Variants in TCTN1 observed in about 807,000 individuals in gnomAD.
The protein encoded by TCTN1 is tectonic-1.
A neutral mutation model predicts 65.8 loss-of-function variants in TCTN1; 58 were observed. The observed-to-expected ratio is 0.88, with a 90% CI of 0.71 to 1.10. TCTN1 has a LOEUF of 1.10. Among genes scored for constraint, TCTN1 ranks in the 50% least tolerant of loss-of-function variants. The probability of loss-of-function intolerance (pLI) is 0.00; values close to 1 mark genes in which losing one functional copy is unlikely to be tolerated. For synonymous variants in TCTN1, 273 were observed against 289.1 expected (o/e 0.94, Z 0.57); for missense variants, 645 against 719.4 (o/e 0.90, Z 1.18).
Position 110,640,615 on chromosome 12 carries a change from A to C in TCTN1, c.978+98A>C. 1 of 1,574,278 alleles carries C rather than the reference A, an allele frequency of 6.4e-7. No homozygotes were observed. The highest frequency in any genetic ancestry group is 8.7e-7 in the Non-Finnish European group (1 of 1,147,132). On this transcript the variant is annotated intron_variant, in intron 8 of 14. Transcript: ENST00000397659. This position sits in a 1 kb window ranked among gnomAD's most constrained non-coding sequence, Gnocchi z 4.9. ...ACGCCCTCCGAGGACGCTCTGTCCC[A>C]GCCCATGGTGTGGCTTTTCTTGGCT...
At chr12:110,617,115 T>C (rs1320802846) in intron 1 of TCTN1, among the ~76,000 whole-genome samples, 1 of 152,188 alleles carries the variant, frequency 6.6e-6, no homozygotes, top group East Asian at 1.9e-4. Flanking sequence ...AAGATAGTAA[T>C]TTTAAACATA....
intron 3 of TCTN1, chr12:110,628,249 C>T (rs940428513): frequency 2.4e-5 from 37 of 1,534,818 alleles, no homozygotes; most frequent in Non-Finnish European, 3.1e-5. Flanking sequence ...CTATTACTTC[C>T]CCATTATTAG....
intron 1 of TCTN1, among the ~76,000 whole-genome samples, chr12:110,618,718 A>G (rs1223187470): frequency 6.6e-6 from 1 of 152,142 alleles, no homozygotes; most frequent in African/African-American, 2.4e-5. Context: ...TTGAAGGTTG[A>G]TCTTACTTCT....
chr12:110,636,898 A>C (rs1106724), intron 7 of TCTN1, among the ~76,000 whole-genome samples: 30,367 of 152,212 alleles, frequency 0.2, 3,322 homozygotes, highest in Admixed American at 0.28. Context: ...GGGTGTCCAT[A>C]CCGCGTGGGA....
chr12:110,634,809 C>T, intron 6 of TCTN1, 30 bp downstream of exon 6: 1 of 1,503,914 alleles, frequency 6.6e-7, no homozygotes, highest in Non-Finnish European at 9.2e-7. Context: ...GGAACTTACT[C>T]ATTAGGTATG....
chr12:110,647,646 G>A (rs768259646), intron 13 of TCTN1, 103 bp from the exon 14 acceptor site: 2 of 1,554,210 alleles, frequency 1.3e-6, no homozygotes, highest in Non-Finnish European at 1.8e-6. Context: ...TCAGATTCAT[G>A]AACTGACAGT....
In TCTN1 at chr12:110,628,891, G is replaced by T. The variant is rs950880140; in HGVS notation, c.597G>T (p.Leu199=). 3 of 1,613,468 alleles carry T rather than the reference G, an allele frequency of 1.9e-6. No individual in the cohort carries two copies. In the African/African-American group the frequency reaches 4.0e-5, roughly 22 times the overall value. ...AESYVSFTTK[L]DIPTAAKYEY... ...CATATGTTTCCTTCACAACCAAACT[G>T]GATATTCCTACTGCTGCTAAATATG... is the stretch of plus-strand genomic sequence containing the variant. The change falls in exon 4 of 15, where the codon CTG becomes CTT. Residue 199 remains leucine (L), a synonymous_variant. Transcript: ENST00000397659.
chr12:110,624,834 G>A (rs142136611), intron 2 of TCTN1, among the ~76,000 whole-genome samples: 124 of 150,906 alleles, frequency 8.2e-4, no homozygotes, highest in African/African-American at 2.9e-3. Context: ...CGCTCACCTC[G>A]GCCTCCCAAA....
intron 12 of TCTN1, chr12:110,645,384 T>C: frequency 2.0e-6 from 1 of 502,464 alleles, no homozygotes; most frequent in Non-Finnish European, 3.6e-6. Context: ...TCATGGGGCA[T>C]TGAGAGGGTT....
chr12:110,636,624 A>G, intron 7 of TCTN1, 123 bp downstream of exon 7: 1 of 615,740 alleles, frequency 1.6e-6, no homozygotes, highest in Non-Finnish European at 2.8e-6. Flanking sequence ...AATAGCAAAT[A>G]CATTTGCCAA....
intron 6 of TCTN1, chr12:110,635,593 C>CAAGTGAGCTAAGG (rs1162951938): frequency 1.4e-4 from 21 of 152,410 alleles, no homozygotes; most frequent in African/African-American, 3.6e-4. Context: ...GCTAAGGTTG[C>CAAGTGAGCTAAGG]AGTGAGCTAT....
At chr12:110,630,551 G>A (rs1182865114) in intron 4 of TCTN1, among the ~76,000 whole-genome samples, 1 of 152,162 alleles carries the variant, frequency 6.6e-6, no homozygotes, top group Non-Finnish European at 1.5e-5. Flanking sequence ...AAGTATAAAA[G>A]CAACATGTAC....
At chr12:110,621,662 CAG>C (rs1042987966) in intron 2 of TCTN1, among the ~76,000 whole-genome samples, 135 of 151,936 alleles carry the variant, frequency 8.9e-4, no homozygotes, top group African/African-American at 3.2e-3. Flanking sequence ...TTAGTAGAGA[CAG>C]GGTTTCACCG....
chr12:110,642,156 G>A, intron 10 of TCTN1, 93 bp from the exon 11 acceptor site: 5 of 1,541,658 alleles, frequency 3.2e-6, no homozygotes, highest in Non-Finnish European at 4.4e-6. Context: ...AGTGTATTTG[G>A]GTCTCCCTCA....
intron 2 of TCTN1, among the ~76,000 whole-genome samples, chr12:110,622,696 G>A (rs1347563714): frequency 6.6e-6 from 1 of 152,078 alleles, no homozygotes; most frequent in African/African-American, 2.4e-5. Context: ...GGTGAGAGGA[G>A]TGTAGGAAAG....
At position 110,642,247 on chromosome 12, in the gene TCTN1, A is replaced by G. The variant is rs1352355036; in HGVS notation, c.1191-2A>G. ...GCAGTTGTCCCTTAACTGTCTGTGA[A>G]TGTCTGGGATTATTCAGACCACAAA... On this transcript the variant is annotated splice_acceptor_variant, in intron 10 of 14. Coordinates refer to ENST00000397659, the MANE Select transcript of TCTN1 (RefSeq NM_001082538.3). LOFTEE classifies it high-confidence loss of function. 1 of 1,614,192 alleles carries G rather than the reference A, an allele frequency of 6.2e-7. No homozygotes were observed. Among genetic ancestry groups the G allele is most frequent in the South Asian group, 1.1e-5 (1 of 91,080 alleles).
intron 9 of TCTN1, 22 bp from the exon 10 acceptor site, chr12:110,641,520 G>A: frequency 6.2e-7 from 1 of 1,600,850 alleles, no homozygotes; most frequent in South Asian, 1.1e-5. Context: ...TTATTTGGGG[G>A]CATTTCTGCA....
chr12:110,631,757 T>G (rs555254192), intron 4 of TCTN1, among the ~76,000 whole-genome samples: 45 of 152,362 alleles, frequency 3.0e-4, no homozygotes, highest in African/African-American at 1.1e-3. Context: ...CATATATACA[T>G]ACATTTTTGT....
At chr12:110,619,521 A>T (rs2065272537) in intron 1 of TCTN1, among the ~76,000 whole-genome samples, 1 of 152,184 alleles carries the variant, frequency 6.6e-6, no homozygotes, top group African/African-American at 2.4e-5. Flanking sequence ...GTCTAATTAT[A>T]AGCATCACCT....
Sources: allele counts gnomAD v4.1 joint callset (sites outside exome capture counted in the v4.1 genomes callset), GRCh38; gene constraint gnomAD v4.1.1; non-coding constraint Gnocchi (gnomAD v3.1); transcripts MANE v1.5; gene names NCBI Gene and HGNC (gene_info 2026-07-23, HGNC 2026-07-21).